Variants in SEC24A observed in about 807,000 individuals in gnomAD.
The protein encoded by SEC24A is SEC24 homolog A, COPII component.
SEC24A carries 93 observed loss-of-function variants against 129.4 expected under a neutral mutation model. The observed-to-expected ratio is 0.72, with a 90% confidence interval of 0.61 to 0.85. The LOEUF (loss-of-function observed/expected upper bound fraction) is 0.85. Ranked by LOEUF, SEC24A falls within the 40% of genes least tolerant of loss-of-function variation. SEC24A has a pLI of 0.00. For synonymous variants in SEC24A, 460 were observed against 467.3 expected (o/e 0.98, Z 0.20); for missense variants, 1,264 against 1,307.4 (o/e 0.97, Z 0.51).
rs1752765198 is a variant in SEC24A, at chr5:134,726,755, G to A, written c.*1661G>A. On this transcript the variant is annotated 3_prime_UTR_variant, in exon 23 of 23. Coordinates refer to ENST00000398844, the MANE Select transcript of SEC24A (RefSeq NM_021982.3). ...TTTAAAGAAACAGTCGTTATATGCTGATGTTTCTTAAAATAACTAAAATGT... is the reference window on the plus strand; with the variant it reads ...TTTAAAGAAACAGTCGTTATATGCTAATGTTTCTTAAAATAACTAAAATGT... 1 of 152,064 alleles carries A rather than the reference G, an allele frequency of 6.6e-6. No individual in the cohort carries two copies. The highest frequency in any genetic ancestry group is 2.4e-5 in the African/African-American group (1 of 41,416). 9.4% of individuals were successfully genotyped at this position (152,064 alleles called of 1,614,324 possible). A position where few individuals can be genotyped will look rare whatever the true frequency, so the allele number is the denominator to read the frequency against.
rs757964453 is a variant in SEC24A at position 134,679,641 on chromosome 5, C to T, written c.1294C>T (p.Arg432Cys). 27 of 1,593,758 alleles carry T rather than the reference C, an allele frequency of 1.7e-5. No homozygotes were observed. Among genetic ancestry groups the T allele is most frequent in the South Asian group, 4.5e-5 (4 of 88,808 alleles). ...VVTSSTIVRCRSCRTYINPFV... is the reference protein window; with the variant it reads ...VVTSSTIVRCCSCRTYINPFV... ...TACCTCCAGTACAATTGTGAGATGCCGTTCATGCAGGACGTACATCAATCC... is the reference window on the plus strand; with the variant it reads ...TACCTCCAGTACAATTGTGAGATGCTGTTCATGCAGGACGTACATCAATCC... The change falls in exon 8 of 23, where the codon CGT becomes TGT. Residue 432 changes from arginine (R) to cysteine (C), a missense_variant. Physicochemically the swap from Arg to Cys is radical, Grantham distance 180 (BLOSUM62 -3). Transcript: ENST00000398844.
intron 11 of SEC24A, among the ~76,000 whole-genome samples, chr5:134,691,659 C>T (rs936392409): frequency 6.6e-6 from 1 of 151,994 alleles, no homozygotes; most frequent in African/African-American, 2.4e-5. Context: ...CCCACCACCA[C>T]GCCTGGCTAA....
rs1037111364 is a variant in SEC24A at position 134,723,752 on chromosome 5, A to AT, written c.3167+82_3167+83insT. On this transcript the variant is annotated intron_variant, in intron 22 of 22. Coordinates refer to ENST00000398844, the MANE Select transcript of SEC24A (RefSeq NM_021982.3). ...CCTGACAAGAGTATAGCAAAAAAAA[A>AT]GAAGAAAGAAAAAGAGTTCTTCTCA... The AT allele has an allele frequency of 1.2e-5, 9 of 769,736 alleles. No homozygotes were observed. In the East Asian group the frequency reaches 1.7e-4, roughly 15 times the overall value. 47.7% of individuals were successfully genotyped at this position (769,736 alleles called of 1,614,324 possible). A position where few individuals can be genotyped will look rare whatever the true frequency, so the allele number is the denominator to read the frequency against.
Position 134,718,733 on chromosome 5 carries a change from A to T in SEC24A, c.2970+560A>T, listed in dbSNP as rs569003267. Among the ~76,000 whole-genome samples the T allele has an allele frequency of 3.9e-5, 6 of 152,272 alleles. No homozygotes were observed. In the East Asian group the frequency reaches 9.6e-4, roughly 24 times the overall value. ...ATGCCTATAATCCCAGCACTTTGGG[A>T]GGCCGAGGCAGGTAGATCATTTGAG... is the stretch of plus-strand genomic sequence containing the variant. On this transcript the variant is annotated intron_variant, in intron 20 of 22. Transcript: ENST00000398844.
chr5:134,723,523 A>C, intron 21 of SEC24A, 44 bp from the exon 22 acceptor site: 1 of 1,125,538 alleles, frequency 8.9e-7, no homozygotes, highest in South Asian at 1.3e-5. Flanking sequence ...CATACATTAG[A>C]TATGTAATTA....
At chr5:134,720,937 C>T (rs1752610293) in intron 20 of SEC24A, 61 bp from the exon 21 acceptor site, 2 of 845,434 alleles carry the variant, frequency 2.4e-6, no homozygotes, top group Non-Finnish European at 4.0e-6. Flanking sequence ...AAAATGTACT[C>T]ACTCAACAGA....
intron 3 of SEC24A, among the ~76,000 whole-genome samples, chr5:134,667,993 C>T (rs568440397): frequency 6.3e-4 from 96 of 151,986 alleles, no homozygotes; most frequent in Non-Finnish European, 1.2e-3. Context: ...GCAGGCAGAT[C>T]ACTTGAGGTC....
At position 134,703,876 on chromosome 5, in the gene SEC24A, T is replaced by G; in HGVS notation, c.2384T>G (p.Leu795Arg). The G allele has an allele frequency of 6.2e-7, 1 of 1,609,330 alleles. No individual in the cohort carries two copies. Among genetic ancestry groups the G allele is most frequent in the Non-Finnish European group, 8.5e-7 (1 of 1,175,870 alleles). Residue 795 changes from leucine (L) to arginine (R), a missense_variant, in exon 16 of 23, where the codon CTT becomes CGT. Transcript: ENST00000398844. Reference sequence around the variant, plus strand: ...GTACAGATGTCAGTGGAAGAGAGTCTTACTGACACTCAGTTGGTTTCTTTT... The same window carrying G: ...GTACAGATGTCAGTGGAAGAGAGTCGTACTGACACTCAGTTGGTTTCTTTT... ...YAVQMSVEESLTDTQLVSFQS... is the reference protein window; with the variant it reads ...YAVQMSVEESRTDTQLVSFQS...
intron 1 of SEC24A, among the ~76,000 whole-genome samples, chr5:134,658,628 C>T (rs910547479): frequency 6.6e-6 from 1 of 152,058 alleles, no homozygotes; most frequent in Non-Finnish European, 1.5e-5. Context: ...AGGCTGGTCT[C>T]CTACTCCTGA....
chr5:134,688,302 A>G lies in SEC24A; in HGVS notation c.1723+3A>G, dbSNP rs1751518512. 6.7e-7 allele frequency: 1 copy of G among 1,488,100 alleles called. No individual in the cohort carries two copies. The highest frequency in any genetic ancestry group is 9.3e-7 in the Non-Finnish European group (1 of 1,069,560). 92.2% of individuals were successfully genotyped at this position (1,488,100 alleles called of 1,614,324 possible). On this transcript the variant is annotated splice_donor_region_variant and intron_variant, in intron 11 of 22. Transcript: ENST00000398844. ...GCTAATAGTTTCAGATATTGAAGGTATAGATTTATTGAACTACTTTCATAA... is the reference window on the plus strand; with the variant it reads ...GCTAATAGTTTCAGATATTGAAGGTGTAGATTTATTGAACTACTTTCATAA...
At chr5:134,685,751 C>T (rs754258868) in intron 9 of SEC24A, among the ~76,000 whole-genome samples, 6 of 152,010 alleles carry the variant, frequency 3.9e-5, no homozygotes, top group Non-Finnish European at 7.4e-5. Context: ...TGGGAGGCAG[C>T]GAAGGCGGGC....
chr5:134,653,739 T>C (rs1268258762), intron 1 of SEC24A, among the ~76,000 whole-genome samples: 1 of 151,940 alleles, frequency 6.6e-6, no homozygotes, highest in African/African-American at 2.4e-5. Context: ...GCGGGCCCAG[T>C]AGTCCCAGCT....
chr5:134,683,019 C>T (rs1400624330), intron 9 of SEC24A, among the ~76,000 whole-genome samples: 1 of 151,752 alleles, frequency 6.6e-6, no homozygotes, highest in African/African-American at 2.4e-5. Flanking sequence ...TGATATTGGG[C>T]TCGTATTTAC....
At chr5:134,697,833 T>G (rs1454921424) in intron 14 of SEC24A, 66 bp from the exon 15 acceptor site, 2 of 1,424,570 alleles carry the variant, frequency 1.4e-6, no homozygotes, top group Non-Finnish European at 9.6e-7. Flanking sequence ...TCCAATGTCT[T>G]TAGTTACTTT....
chr5:134,658,323 T>C (rs1276380272), intron 1 of SEC24A, among the ~76,000 whole-genome samples: 1 of 152,234 alleles, frequency 6.6e-6, no homozygotes, highest in African/African-American at 2.4e-5. Flanking sequence ...AACAATATGC[T>C]ACATTTTGTT....
In SEC24A at chr5:134,683,139, C is replaced by T. The variant is rs1343769035; in HGVS notation, c.1491+657C>T. 2.0e-5 allele frequency among the ~76,000 whole-genome samples: 3 copies of T among 152,116 alleles called. No homozygotes were observed. In the East Asian group the frequency reaches 5.8e-4, roughly 29 times the overall value. On this transcript the variant is annotated intron_variant, in intron 9 of 22. Coordinates refer to ENST00000398844, the MANE Select transcript of SEC24A (RefSeq NM_021982.3). ...CCGGGTTCAAGCAATTCTCCTGCCT[C>T]AGCCTCCTGAGTAGCTGGGATTATA...
At chr5:134,710,093 T>A (rs1752276738) in intron 18 of SEC24A, among the ~76,000 whole-genome samples, 1 of 151,960 alleles carries the variant, frequency 6.6e-6, no homozygotes. Context: ...GAGACAAGGT[T>A]TCACCATGTT....
At chr5:134,687,955 T>C (rs1026415949) in intron 10 of SEC24A, among the ~76,000 whole-genome samples, 4 of 152,220 alleles carry the variant, frequency 2.6e-5, no homozygotes, top group African/African-American at 4.8e-5. Flanking sequence ...TTTTGGATTG[T>C]TGTATTATTG....
chr5:134,688,718 C>T (rs369590288), intron 11 of SEC24A, among the ~76,000 whole-genome samples: 34 of 149,754 alleles, frequency 2.3e-4, no homozygotes, highest in African/African-American at 7.2e-4. Context: ...CTCACTCTGT[C>T]GCCCAGGCTG....
Sources: allele counts gnomAD v4.1 joint callset (sites outside exome capture counted in the v4.1 genomes callset), GRCh38; gene constraint gnomAD v4.1.1; transcripts MANE v1.5; gene names NCBI Gene and HGNC (gene_info 2026-07-23, HGNC 2026-07-21).